CNKSR2: variants seen among roughly 807,000 people sequenced by gnomAD.
CNKSR2 encodes connector enhancer of kinase suppressor of Ras 2, also known as CNK homolog protein 2.
Under a neutral mutation model 84.4 loss-of-function variants are expected in CNKSR2, and 14 were observed. The observed-to-expected ratio is 0.17, with a 90% CI of 0.11 to 0.26. CNKSR2 has a LOEUF of 0.26. Among genes scored for constraint, CNKSR2 ranks in the 10% least tolerant of loss-of-function variants. The pLI is 1.00. For missense variants in CNKSR2, 485 were observed against 771.2 expected (o/e 0.63, Z 4.40); for synonymous variants, 275 against 277.9 (o/e 0.99, Z 0.10).
chrX:21,549,416 GAC>G (rs1398682344), intron 11 of CNKSR2, among the ~76,000 whole-genome samples: 3 of 111,665 alleles, frequency 2.7e-5, no homozygotes, highest in Non-Finnish European at 5.6e-5. Context: ...AATCAAAGAG[GAC>G]ACAAACAAAT....
chrX:21,561,597 T>C, intron 12 of CNKSR2, 37 bp downstream of exon 12: 1 of 1,004,251 alleles, frequency 1.0e-6, no homozygotes, highest in Non-Finnish European at 1.4e-6. Flanking sequence ...GCTGGGTTGT[T>C]TGAACAATAA....
chrX:21,602,622 G>C, intron 18 of CNKSR2, among the ~76,000 whole-genome samples: 1 of 111,458 alleles, frequency 9.0e-6, no homozygotes, highest in East Asian at 2.8e-4. Context: ...CCATATAGTA[G>C]AGACTATATG....
intron 20 of CNKSR2, among the ~76,000 whole-genome samples, chrX:21,626,615 G>A (rs1304569356): frequency 2.7e-5 from 3 of 112,099 alleles, no homozygotes; most frequent in African/African-American, 6.5e-5. Flanking sequence ...ATAGAAAGTA[G>A]GTCTTGAAGA....
At chrX:21,609,760 T>A in intron 20 of CNKSR2, 143 bp downstream of exon 20, 9 of 792,214 alleles carry the variant, frequency 1.1e-5, no homozygotes, top group Non-Finnish European at 1.5e-5. Flanking sequence ...TCTCCCTTGG[T>A]GACCTACTTT....
chrX:21,635,882 G>A (rs1222767583), intron 20 of CNKSR2, among the ~76,000 whole-genome samples: 1 of 110,904 alleles, frequency 9.0e-6, no homozygotes, highest in East Asian at 2.8e-4. Flanking sequence ...CAAGTCGAGT[G>A]TGATGGACAA....
intron 4 of CNKSR2, among the ~76,000 whole-genome samples, chrX:21,449,472 C>T (rs1240433310): frequency 9.1e-6 from 1 of 110,310 alleles, no homozygotes; most frequent in African/African-American, 3.3e-5. Context: ...GGAAAATTAA[C>T]GAAATGGTTA....
intron 11 of CNKSR2, among the ~76,000 whole-genome samples, chrX:21,556,758 G>C (rs1314202059): frequency 1.8e-5 from 2 of 110,134 alleles, no homozygotes; most frequent in Non-Finnish European, 1.9e-5. Context: ...AAGAATTGGG[G>C]GCTACAAATA....
intron 13 of CNKSR2, among the ~76,000 whole-genome samples, chrX:21,577,432 A>G (rs919631037): frequency 9.8e-5 from 11 of 111,678 alleles, no homozygotes; most frequent in African/African-American, 3.6e-4. Context: ...GGGAAAAAAA[A>G]TACACAAATT....
At chrX:21,549,304 C>T (rs763723811) in intron 11 of CNKSR2, among the ~76,000 whole-genome samples, 2 of 111,802 alleles carry the variant, frequency 1.8e-5, no homozygotes, top group Non-Finnish European at 3.8e-5. Flanking sequence ...TGAGTGGGCT[C>T]CCGTTCACAA....
intron 11 of CNKSR2, among the ~76,000 whole-genome samples, chrX:21,551,471 AG>A (rs745576558): frequency 6.4e-4 from 72 of 112,311 alleles, no homozygotes; most frequent in Non-Finnish European, 1.1e-3. Flanking sequence ...TGCAACTATG[AG>A]GGGGGAAAAA....
At chrX:21,479,801 C>T (rs1346058215) in intron 5 of CNKSR2, among the ~76,000 whole-genome samples, 2 of 109,788 alleles carry the variant, frequency 1.8e-5, no homozygotes, top group Admixed American at 9.8e-5. Flanking sequence ...AATGATGCTG[C>T]TGGGAAGGTT....
intron 13 of CNKSR2, among the ~76,000 whole-genome samples, chrX:21,569,738 T>A (rs1256263549): frequency 1.8e-5 from 2 of 112,313 alleles, no homozygotes; most frequent in Non-Finnish European, 3.8e-5. Flanking sequence ...TCTTAAATAA[T>A]AAGACTTGAA....
intron 8 of CNKSR2, among the ~76,000 whole-genome samples, chrX:21,512,961 C>T (rs753666616): frequency 8.9e-6 from 1 of 111,876 alleles, no homozygotes; most frequent in African/African-American, 3.2e-5. Context: ...CTTTTTGCTT[C>T]AGTTTCTACA....
intron 1 of CNKSR2, among the ~76,000 whole-genome samples, chrX:21,403,893 T>C (rs191214639): frequency 1.8e-5 from 2 of 112,137 alleles, no homozygotes; most frequent in African/African-American, 6.4e-5. Context: ...GTATACCACA[T>C]GCTACTTGGC....
At chrX:21,643,584 C>A (rs186797764) in intron 20 of CNKSR2, 7 of 111,599 alleles carry the variant, frequency 6.3e-5, no homozygotes, top group African/African-American at 9.7e-5. Context: ...ATACAGTTAG[C>A]AAATGTTGGT....
At chrX:21,462,641 G>A (rs1364363965) in intron 4 of CNKSR2, among the ~76,000 whole-genome samples, 2 of 110,764 alleles carry the variant, frequency 1.8e-5, no homozygotes, top group Admixed American at 1.9e-4. Flanking sequence ...AGTTCTTCCC[G>A]ATTATGATAT....
intron 9 of CNKSR2, among the ~76,000 whole-genome samples, chrX:21,520,938 C>G (rs2091777096): frequency 9.1e-6 from 1 of 109,429 alleles, no homozygotes; most frequent in Non-Finnish European, 1.9e-5. Context: ...TACCTTGATG[C>G]CATTTTTAGA....
intron 17 of CNKSR2, among the ~76,000 whole-genome samples, chrX:21,598,671 A>G (rs1025892647): frequency 8.9e-6 from 1 of 111,864 alleles, no homozygotes; most frequent in African/African-American, 3.2e-5. Context: ...TGGCATTCTA[A>G]TTTTCTAACT....
chrX:21,405,122 C>T (rs971182608), intron 1 of CNKSR2, among the ~76,000 whole-genome samples: 1 of 111,230 alleles, frequency 9.0e-6, no homozygotes, highest in Non-Finnish European at 1.9e-5. Context: ...TCAAATATTT[C>T]TTGATTACTG....
Sources: gnomAD v4.1 joint callset for allele counts (sites outside exome capture counted in the v4.1 genomes callset) on GRCh38, gnomAD v4.1.1 for gene constraint, MANE v1.5 for transcripts, NCBI Gene and HGNC (gene_info 2026-07-23, HGNC 2026-07-21) for gene names.